The following TENM2 variants were observed in gnomAD, a reference collection of about 807,000 sequenced individuals.
TENM2 encodes teneurin-2.
Under a neutral mutation model 245.2 loss-of-function variants are expected in TENM2, and 52 were observed. The observed-to-expected ratio is 0.21, with a 90% CI of 0.17 to 0.27. The LOEUF (loss-of-function observed/expected upper bound fraction) is 0.27, where lower values mean the gene tolerates loss of function less well. Among genes scored for constraint, TENM2 ranks in the 10% least tolerant of loss-of-function variants. TENM2 has a pLI of 1.00. For missense variants in TENM2, 3,046 were observed against 3,666.8 expected (o/e 0.83, Z 4.37); for synonymous variants, 1,363 against 1,438.9 (o/e 0.95, Z 1.19).
chr5:167,107,199 T>A, the TENM2 span, among the ~76,000 whole-genome samples: 1 of 146,886 alleles, frequency 6.8e-6, no homozygotes, highest in Non-Finnish European at 1.5e-5. Flanking sequence ...GAGGCAGAGG[T>A]TGCAGTGAGC....
At chr5:168,018,962 G>A (rs959255853) in intron 5 of TENM2, among the ~76,000 whole-genome samples, 3 of 152,168 alleles carry the variant, frequency 2.0e-5, no homozygotes, top group Non-Finnish European at 2.9e-5. Context: ...AAGTGAGCAC[G>A]GGGAGAAGAA....
the TENM2 span, among the ~76,000 whole-genome samples, chr5:167,027,360 A>C: frequency 6.6e-6 from 1 of 152,228 alleles, no homozygotes; most frequent in Non-Finnish European, 1.5e-5. Flanking sequence ...GGTTGAGCCC[A>C]GTTCGCCCAG....
At chr5:167,526,257 CTG>C (rs1410401783) in intron 2 of TENM2, among the ~76,000 whole-genome samples, 1 of 151,748 alleles carries the variant, frequency 6.6e-6, no homozygotes, top group African/African-American at 2.4e-5. Context: ...ATATTTAAAA[CTG>C]GGATAATAGA....
intron 2 of TENM2, among the ~76,000 whole-genome samples, chr5:167,562,957 CAAAAAAAAAAA>C (rs58779751): frequency 2.6e-5 from 2 of 77,592 alleles, no homozygotes; most frequent in Admixed American, 2.8e-4. Flanking sequence ...AATTCTGTCT[CAAAAAAAAAAA>C]AAAAAAAGAA....
At chr5:167,048,391 A>C in the TENM2 span, among the ~76,000 whole-genome samples, 2 of 152,162 alleles carry the variant, frequency 1.3e-5, no homozygotes, top group Non-Finnish European at 2.9e-5. Context: ...AAGAATTTGA[A>C]GGGTTTTAGT....
the TENM2 span, among the ~76,000 whole-genome samples, chr5:167,114,907 G>T: frequency 6.6e-6 from 1 of 152,228 alleles, no homozygotes; most frequent in Non-Finnish European, 1.5e-5. Flanking sequence ...TTGAAATGTG[G>T]CAGTGGAGAA....
intron 2 of TENM2, among the ~76,000 whole-genome samples, chr5:167,423,900 G>A (rs987129899): frequency 4.6e-5 from 7 of 152,132 alleles, no homozygotes; most frequent in East Asian, 1.9e-4. Context: ...CGACCATGGC[G>A]AAGCAACCTC....
At chr5:167,311,168 A>G (rs938726867) in intron 1 of TENM2, among the ~76,000 whole-genome samples, 2 of 152,194 alleles carry the variant, frequency 1.3e-5, no homozygotes, top group Non-Finnish European at 2.9e-5. Flanking sequence ...GACAGGTGCC[A>G]GATGAGGTTT....
At chr5:168,144,601 T>C (rs893327867) in intron 12 of TENM2, among the ~76,000 whole-genome samples, 55 of 151,176 alleles carry the variant, frequency 3.6e-4, no homozygotes, top group African/African-American at 1.2e-3. Context: ...TTGAGTTGGT[T>C]CCAAGTCTTT....
At chr5:167,845,544 T>A (rs540044927) in intron 2 of TENM2, among the ~76,000 whole-genome samples, 1 of 152,288 alleles carries the variant, frequency 6.6e-6, no homozygotes, top group Non-Finnish European at 1.5e-5. Flanking sequence ...CATTAACTTG[T>A]TCCAGTGTTG....
At chr5:168,238,249 G>GAAAAT (rs1278030919) in intron 25 of TENM2, among the ~76,000 whole-genome samples, 1 of 134,754 alleles carries the variant, frequency 7.4e-6, no homozygotes, top group East Asian at 2.1e-4. Context: ...GAAAAGAAAA[G>GAAAAT]AAAAGAAAAG....
the TENM2 span, among the ~76,000 whole-genome samples, chr5:167,011,421 C>G: frequency 6.6e-6 from 1 of 152,198 alleles, no homozygotes; most frequent in East Asian, 1.9e-4. Context: ...GGATTTTATT[C>G]ATAAGTGCAT....
intron 2 of TENM2, among the ~76,000 whole-genome samples, chr5:167,500,176 G>A (rs1352544946): frequency 1.3e-5 from 2 of 152,006 alleles, no homozygotes; most frequent in South Asian, 2.1e-4. Context: ...GACTGTGAGT[G>A]TGAAATAGAT....
rs536718682 is a variant in TENM2, at chr5:167,677,275, C to G, written c.503-198711C>G. Reference sequence around the variant, plus strand: ...AACGATTCTTTAAAGCAAAGAATCACATTTGCTTTGAATATGTTATTATGC... The same window carrying G: ...AACGATTCTTTAAAGCAAAGAATCAGATTTGCTTTGAATATGTTATTATGC... On this transcript the variant is annotated intron_variant, in intron 2 of 28. Coordinates refer to ENST00000518659, the Ensembl canonical transcript of TENM2. 4.6e-5 allele frequency among the ~76,000 whole-genome samples: 7 copies of G among 152,074 alleles called. No individual in the cohort carries two copies. The South Asian group carries it at 8.3e-4, about 18-fold the overall frequency.
At chr5:167,078,073 T>G in the TENM2 span, among the ~76,000 whole-genome samples, 4 of 151,712 alleles carry the variant, frequency 2.6e-5, no homozygotes, top group African/African-American at 9.7e-5. Flanking sequence ...AAATTAAATA[T>G]AATTATATAT....
chr5:168,216,211 T>C (rs1179863622), intron 21 of TENM2, among the ~76,000 whole-genome samples: 1 of 152,174 alleles, frequency 6.6e-6, no homozygotes, highest in Non-Finnish European at 1.5e-5. Flanking sequence ...TTTCCAGCCC[T>C]GCTGCAACAG....
intron 2 of TENM2, among the ~76,000 whole-genome samples, chr5:167,703,530 C>CAAAAAG (rs780206796): frequency 2.1e-5 from 2 of 97,178 alleles, no homozygotes; most frequent in East Asian, 5.8e-4. Flanking sequence ...GAAACCATCT[C>CAAAAAG]AAAAAAAAAA....
At chr5:168,201,076 C>A (rs1166788864) in intron 17 of TENM2, among the ~76,000 whole-genome samples, 2 of 151,988 alleles carry the variant, frequency 1.3e-5, no homozygotes, top group East Asian at 1.9e-4. Context: ...ACCCTCATAA[C>A]CCCATTGTGC....
exon 19 of TENM2, chr5:168,204,460 G>C: frequency 6.2e-7 from 1 of 1,613,990 alleles, no homozygotes; most frequent in Non-Finnish European, 8.5e-7. Context: ...GTCGCCGCCG[G>C]AGCATTTCCT....
Sources: allele counts gnomAD v4.1 joint callset (sites outside exome capture counted in the v4.1 genomes callset), GRCh38; gene constraint gnomAD v4.1.1; transcripts MANE v1.5; gene names NCBI Gene and HGNC (gene_info 2026-07-23, HGNC 2026-07-21).